Variants in PCDH15 observed in about 807,000 individuals in gnomAD.
PCDH15 encodes protocadherin related 15.
In PCDH15, 129 loss-of-function variants were observed where a neutral mutation model predicts 178.5. The observed-to-expected ratio is 0.72, with a 90% CI of 0.63 to 0.84. The LOEUF (loss-of-function observed/expected upper bound fraction) is 0.84. Ranked by LOEUF, PCDH15 falls within the 40% of genes least tolerant of loss-of-function variation. The pLI, the probability that PCDH15 is intolerant of heterozygous loss-of-function variation, is 0.00. For synonymous variants in PCDH15, 800 were observed against 732.0 expected, an observed-to-expected ratio of 1.09 and a Z score of -1.50; for missense variants, 2,230 against 2,099.9, an observed-to-expected ratio of 1.06 and a Z score of -1.21.
chr10:54,728,871 G>T (rs182444426), intron 1 of PCDH15, among the ~76,000 whole-genome samples: 1 of 151,280 alleles, frequency 6.6e-6, no homozygotes, highest in Non-Finnish European at 1.5e-5. Flanking sequence ...TAACTAGGGA[G>T]GTGAAAATAT....
intron 1 of PCDH15, among the ~76,000 whole-genome samples, chr10:54,707,402 G>A (rs1156416761): frequency 6.6e-6 from 1 of 152,136 alleles, no homozygotes; most frequent in Non-Finnish European, 1.5e-5. Flanking sequence ...ATTTTCCATT[G>A]GAAGTAACTT....
chr10:54,552,105 G>C (rs2086682184), intron 2 of PCDH15, among the ~76,000 whole-genome samples: 1 of 151,820 alleles, frequency 6.6e-6, no homozygotes, highest in South Asian at 2.1e-4. Flanking sequence ...CATGTTCCCT[G>C]CTATGTTTAT....
chr10:55,402,403 A>G (rs1373719749), intron 2 of PCDH15, among the ~76,000 whole-genome samples: 1 of 152,006 alleles, frequency 6.6e-6, no homozygotes, highest in Non-Finnish European at 1.5e-5. Flanking sequence ...CTATTTTGAA[A>G]CATACAATAT....
At chr10:54,959,490 T>G (rs1206514159) in intron 2 of PCDH15, among the ~76,000 whole-genome samples, 4 of 152,006 alleles carry the variant, frequency 2.6e-5, no homozygotes, top group Non-Finnish European at 5.9e-5. Flanking sequence ...GTGAAAAGGT[T>G]AAGCAGCAAA....
intron 2 of PCDH15, among the ~76,000 whole-genome samples, chr10:55,030,025 T>C (rs1001500306): frequency 6.6e-6 from 1 of 152,190 alleles, no homozygotes; most frequent in African/African-American, 2.4e-5. Context: ...TCTTCAATTA[T>C]TCTTTAAGAA....
chr10:55,194,828 A>T (rs921593382), intron 1 of PCDH15, among the ~76,000 whole-genome samples: 1 of 152,036 alleles, frequency 6.6e-6, no homozygotes, highest in African/African-American at 2.4e-5. Flanking sequence ...AAGTAAAAAA[A>T]AAAAATCAAT....
intron 1 of PCDH15, among the ~76,000 whole-genome samples, chr10:54,687,729 A>G (rs2095039530): frequency 6.6e-6 from 1 of 151,816 alleles, no homozygotes. Flanking sequence ...ACTGAACCCC[A>G]CCCTGCTTTT....
intron 2 of PCDH15, among the ~76,000 whole-genome samples, chr10:54,559,622 C>T (rs924826168): frequency 8.6e-5 from 13 of 151,922 alleles, no homozygotes; most frequent in African/African-American, 2.7e-4. Context: ...CTATCTACAG[C>T]TTGCAATGAC....
chr10:55,361,728 G>C (rs560195366), intron 2 of PCDH15, among the ~76,000 whole-genome samples: 6 of 152,088 alleles, frequency 3.9e-5, no homozygotes, highest in African/African-American at 1.4e-4. Flanking sequence ...AGGTGAAGGA[G>C]TTTTTACTGT....
chr10:54,381,141 C>A (rs543466603), intron 3 of PCDH15, among the ~76,000 whole-genome samples: 4 of 151,682 alleles, frequency 2.6e-5, no homozygotes, highest in Non-Finnish European at 5.9e-5. Context: ...GAGAAGAGAG[C>A]AAAGCTTAGG....
At chr10:55,114,241 G>A (rs1040479493) in intron 2 of PCDH15, among the ~76,000 whole-genome samples, 1 of 152,134 alleles carries the variant, frequency 6.6e-6, no homozygotes, top group Admixed American at 6.5e-5. Context: ...GTGAACCACC[G>A]TGCCTGGCCA....
intron 3 of PCDH15, among the ~76,000 whole-genome samples, chr10:54,430,350 C>T (rs189253697): frequency 3.3e-5 from 5 of 152,026 alleles, no homozygotes; most frequent in East Asian, 1.9e-4. Context: ...CCACCACACC[C>T]GGCCAAAATA....
rs78396171 is a variant in PCDH15, at chr10:53,941,527, T to C, written c.3123-552A>G. 2.5e-3 allele frequency among the ~76,000 whole-genome samples: 374 copies of C among 152,302 alleles called. 3 individuals are homozygous for C. Among genetic ancestry groups the C allele is most frequent in the East Asian group, 0.02 (105 of 5,186 alleles). On this transcript the variant is annotated intron_variant, in intron 23 of 37. Coordinates refer to ENST00000644397, the MANE Select transcript of PCDH15 (RefSeq NM_001384140.1). ...ATTTCATTTTTAGCACTACATAATA[T>C]TTCGCGGTCTGAATGTACCCACAGT...
At chr10:54,484,358 A>G (rs1359118966) in intron 3 of PCDH15, among the ~76,000 whole-genome samples, 1 of 151,876 alleles carries the variant, frequency 6.6e-6, no homozygotes, top group African/African-American at 2.4e-5. Flanking sequence ...TCAAACACCT[A>G]ATAATGCTGT....
intron 2 of PCDH15, among the ~76,000 whole-genome samples, chr10:54,536,965 G>GCAT (rs1184655175): frequency 6.7e-6 from 1 of 149,070 alleles, no homozygotes; most frequent in Non-Finnish European, 1.5e-5. Context: ...ACATACAAGT[G>GCAT]CATGTGACTA....
intron 9 of PCDH15, among the ~76,000 whole-genome samples, chr10:54,228,054 T>C (rs1198811884): frequency 6.6e-6 from 1 of 152,196 alleles, no homozygotes; most frequent in Non-Finnish European, 1.5e-5. Flanking sequence ...TGCAAACTGT[T>C]CCAATCTCTG....
intron 2 of PCDH15, among the ~76,000 whole-genome samples, chr10:54,591,143 A>C (rs1402186237): frequency 3.3e-5 from 5 of 152,166 alleles, no homozygotes; most frequent in African/African-American, 1.2e-4. Flanking sequence ...GGTATGCAGA[A>C]AATAATGCCC....
rs1841069526 is a variant in PCDH15, at chr10:53,805,107, G to A, written c.*1472C>T. On this transcript the variant is annotated 3_prime_UTR_variant, in exon 38 of 38. Transcript: ENST00000644397. Reference sequence around the variant, plus strand: ...ATGTCAGTACAATTCATTCACTTTGGAAATGAGGAAATAGCATAATAATAA... The same window carrying A: ...ATGTCAGTACAATTCATTCACTTTGAAAATGAGGAAATAGCATAATAATAA... 1 of 151,956 alleles carries A rather than the reference G, an allele frequency of 6.6e-6. No homozygotes were observed. The highest frequency in any genetic ancestry group is 1.9e-4 in the East Asian group (1 of 5,190). The allele number at this position is 151,956 out of a possible 1,614,324, so 9.4% of individuals were successfully genotyped here.
chr10:54,398,587 C>A (rs1951538007), intron 3 of PCDH15, among the ~76,000 whole-genome samples: 1 of 151,814 alleles, frequency 6.6e-6, no homozygotes, highest in Non-Finnish European at 1.5e-5. Flanking sequence ...AATTTTAGAC[C>A]AAGGAAAGTT....
Sources: gnomAD v4.1 joint callset for allele counts (sites outside exome capture counted in the v4.1 genomes callset) on GRCh38, gnomAD v4.1.1 for gene constraint, MANE v1.5 for transcripts, NCBI Gene and HGNC (gene_info 2026-07-23, HGNC 2026-07-21) for gene names.